Variants in LRP1B observed in about 807,000 individuals in gnomAD.
LRP1B encodes the protein low-density lipoprotein receptor-related protein 1B.
LRP1B carries 217 observed loss-of-function variants against 556.6 expected under a neutral mutation model. That is an observed-to-expected ratio of 0.39 (90% confidence interval 0.35 to 0.44). The LOEUF (loss-of-function observed/expected upper bound fraction) is 0.44. Ranked by LOEUF, LRP1B falls within the 20% of genes least tolerant of loss-of-function variation. LRP1B has a pLI of 1.00. For missense variants in LRP1B, 5,053 were observed against 5,620.8 expected (o/e 0.90, Z 3.23); for synonymous variants, 2,047 against 1,865.8 (o/e 1.10, Z -2.50).
chr2:141,814,763 A>G (rs993486874), intron 1 of LRP1B, among the ~76,000 whole-genome samples: 1 of 152,200 alleles, frequency 6.6e-6, no homozygotes, highest in African/African-American at 2.4e-5. Flanking sequence ...AGACTGGGTA[A>G]AACTGGAAAC....
chr2:141,289,309 G>C (rs1685849618), intron 3 of LRP1B, among the ~76,000 whole-genome samples: 1 of 149,384 alleles, frequency 6.7e-6, no homozygotes, highest in Non-Finnish European at 1.5e-5. Flanking sequence ...GTGAACCCAG[G>C]AGGCGGAGCT....
chr2:141,850,622 C>G (rs1331529169), intron 1 of LRP1B, among the ~76,000 whole-genome samples: 10 of 141,102 alleles, frequency 7.1e-5, no homozygotes, highest in Non-Finnish European at 1.2e-4. Context: ...AGCATAAACT[C>G]TGTGTGTGTG....
chr2:141,356,914 G>T (rs57659611), intron 3 of LRP1B, among the ~76,000 whole-genome samples: 1 of 151,952 alleles, frequency 6.6e-6, no homozygotes, highest in African/African-American at 2.4e-5. Context: ...AGGTTAAAAC[G>T]CCAATTATTT....
intron 32 of LRP1B, among the ~76,000 whole-genome samples, chr2:140,795,843 T>C (rs899839748): frequency 2.0e-5 from 3 of 152,206 alleles, no homozygotes; most frequent in Non-Finnish European, 4.4e-5. Context: ...ACCTGGAGTA[T>C]ATGAGCAGAC....
intron 6 of LRP1B, among the ~76,000 whole-genome samples, chr2:141,221,306 AAAC>A (rs769017147): frequency 1.6e-5 from 2 of 127,424 alleles, no homozygotes; most frequent in South Asian, 2.6e-4. Context: ...AAAAAAAAAA[AAAC>A]CAAAGGGCAT....
intron 1 of LRP1B, among the ~76,000 whole-genome samples, chr2:141,861,524 C>A (rs954022918): frequency 6.6e-6 from 1 of 152,178 alleles, no homozygotes; most frequent in African/African-American, 2.4e-5. Context: ...GAGCTTTGGT[C>A]ACCAACATGT....
chr2:140,798,923 A>G (rs1029171923), intron 32 of LRP1B, among the ~76,000 whole-genome samples: 5 of 152,104 alleles, frequency 3.3e-5, no homozygotes, highest in African/African-American at 1.2e-4. Flanking sequence ...TATCTCCATC[A>G]CACAGTTACT....
intron 2 of LRP1B, among the ~76,000 whole-genome samples, chr2:141,640,110 C>A (rs1034467525): frequency 6.6e-6 from 1 of 152,112 alleles, no homozygotes; most frequent in African/African-American, 2.4e-5. Flanking sequence ...CGAAAAACAG[C>A]AAACCAAAGA....
At chr2:140,382,903 T>C (rs1683584805) in intron 67 of LRP1B, among the ~76,000 whole-genome samples, 1 of 152,208 alleles carries the variant, frequency 6.6e-6, no homozygotes, top group Non-Finnish European at 1.5e-5. Flanking sequence ...ACTTTTTAAA[T>C]GTTGATAGGC....
intron 1 of LRP1B, among the ~76,000 whole-genome samples, chr2:142,105,551 G>T (rs1027544012): frequency 1.3e-5 from 2 of 149,474 alleles, no homozygotes; most frequent in Non-Finnish European, 3.0e-5. Flanking sequence ...TATGGTTGAT[G>T]AATTAGTTAT....
chr2:141,951,410 T>C (rs975371078), intron 1 of LRP1B, among the ~76,000 whole-genome samples: 8 of 152,156 alleles, frequency 5.3e-5, no homozygotes, highest in Admixed American at 3.9e-4. Context: ...ATAGCTCAGC[T>C]CCAACGTATA....
intron 41 of LRP1B, among the ~76,000 whole-genome samples, chr2:140,682,860 AC>A (rs1238951343): frequency 1.3e-5 from 2 of 152,208 alleles, no homozygotes; most frequent in African/African-American, 4.8e-5. Flanking sequence ...CAGAGTAGAT[AC>A]GTAATAAATC....
chr2:141,870,890 G>A (rs1698564490), intron 1 of LRP1B, among the ~76,000 whole-genome samples: 1 of 151,864 alleles, frequency 6.6e-6, no homozygotes, highest in South Asian at 2.1e-4. Flanking sequence ...ATTTCTCACT[G>A]TATTAACTTG....
chr2:141,625,449 A>C (rs953642919), intron 2 of LRP1B, among the ~76,000 whole-genome samples: 64 of 152,200 alleles, frequency 4.2e-4, no homozygotes, highest in Admixed American at 1.4e-3. Flanking sequence ...TGAAAACATT[A>C]TCTACTCCGT....
At chr2:141,185,708 A>C (rs369652260) in intron 7 of LRP1B, among the ~76,000 whole-genome samples, 7 of 151,034 alleles carry the variant, frequency 4.6e-5, no homozygotes, top group East Asian at 1.9e-4. Flanking sequence ...AAAAAAAAAA[A>C]CAAGAACCAA....
chr2:140,978,894 C>A (rs562365408), intron 18 of LRP1B, among the ~76,000 whole-genome samples: 1 of 152,272 alleles, frequency 6.6e-6, no homozygotes, highest in Non-Finnish European at 1.5e-5. Context: ...ATTTCAGAAC[C>A]AAACTGTCTA....
intron 7 of LRP1B, among the ~76,000 whole-genome samples, chr2:141,137,349 C>A (rs527770658): frequency 6.6e-6 from 1 of 151,814 alleles, no homozygotes; most frequent in Non-Finnish European, 1.5e-5. Flanking sequence ...AGCCAGAGAC[C>A]GGCACTTCCT....
At position 141,423,265 on chromosome 2, in the gene LRP1B, C is replaced by T. The variant is rs535405415; in HGVS notation, c.343+57131G>A. Among the ~76,000 whole-genome samples the T allele has an allele frequency of 2.7e-5, 4 of 145,868 alleles. No individual in the cohort carries two copies. In the South Asian group the frequency reaches 6.7e-4, roughly 25 times the overall value. On this transcript the variant is annotated intron_variant, in intron 3 of 90. Coordinates refer to ENST00000389484, the MANE Select transcript of LRP1B (RefSeq NM_018557.3). The stretch of plus-strand genomic sequence containing the variant: ...TCTGAAATGCAGCTGTTTATAACTG[C>T]CCTCTCACTAGGCAACAGCCAGAGC...
chr2:142,055,177 A>G (rs377498317), intron 1 of LRP1B, among the ~76,000 whole-genome samples: 1 of 152,160 alleles, frequency 6.6e-6, no homozygotes, highest in Admixed American at 6.5e-5. Flanking sequence ...GGAGGAATAA[A>G]CAGACATATT....
Sources: gnomAD v4.1 joint callset for allele counts (sites outside exome capture counted in the v4.1 genomes callset) on GRCh38, gnomAD v4.1.1 for gene constraint, MANE v1.5 for transcripts, NCBI Gene and HGNC (gene_info 2026-07-23, HGNC 2026-07-21) for gene names.